The following SNX29 variants were observed in gnomAD, a reference collection of about 807,000 sequenced individuals.
The protein encoded by SNX29 is sorting nexin 29, also known as sorting nexin-29.
In SNX29, 78 loss-of-function variants were observed where a neutral mutation model predicts 102.1. The ratio of observed to expected loss-of-function variants is 0.76; its 90% CI spans 0.64 to 0.92. SNX29 has a LOEUF of 0.92. Among genes scored for constraint, SNX29 ranks in the 40% least tolerant of loss-of-function variants. SNX29 has a pLI of 0.00. For missense variants in SNX29, 1,280 were observed against 1,061.7 expected (o/e 1.21, Z -2.86); for synonymous variants, 580 against 414.5 (o/e 1.40, Z -4.85).
chr16:12,079,988 A>G (rs557119198), intron 11 of SNX29, among the ~76,000 whole-genome samples: 27 of 152,214 alleles, frequency 1.8e-4, no homozygotes, highest in African/African-American at 6.3e-4. Context: ...TGATCATTCT[A>G]TTTTGATGTA....
chr16:12,178,173 C>A (rs1043207177), intron 13 of SNX29, among the ~76,000 whole-genome samples: 7 of 152,126 alleles, frequency 4.6e-5, no homozygotes, highest in Non-Finnish European at 1.0e-4. Context: ...CTCAAGGGGA[C>A]AAGACGCACA....
intron 16 of SNX29, among the ~76,000 whole-genome samples, chr16:12,365,245 G>C (rs541982685): frequency 1.3e-5 from 2 of 151,960 alleles, no homozygotes; most frequent in African/African-American, 4.8e-5. Context: ...CTGTGGTGAA[G>C]CTCTTAAACA....
chr16:12,415,808 G>A (rs2084610983), intron 18 of SNX29, among the ~76,000 whole-genome samples: 1 of 152,182 alleles, frequency 6.6e-6, no homozygotes, highest in Non-Finnish European at 1.5e-5. Context: ...CCCCAACCCA[G>A]GCTGGGAATG....
intron 19 of SNX29, chr16:12,515,482 C>T: frequency 2.1e-6 from 1 of 484,926 alleles, no homozygotes; most frequent in Non-Finnish European, 4.1e-6. Context: ...AGAACTGAAA[C>T]CCATTCGCTT....
chr16:12,382,891 G>A (rs959826314), intron 16 of SNX29, among the ~76,000 whole-genome samples: 2 of 151,884 alleles, frequency 1.3e-5, no homozygotes, highest in African/African-American at 4.8e-5. Flanking sequence ...CACCTGCCAT[G>A]GGATTTAGGG....
chr16:12,462,014 T>TCACACACACACACACACACAC, intron 18 of SNX29, among the ~76,000 whole-genome samples: 1 of 59,436 alleles, frequency 1.7e-5, no homozygotes, highest in East Asian at 6.9e-4. Flanking sequence ...TATATATATG[T>TCACACACACACACACACACAC]ATACACACAC....
intron 18 of SNX29, among the ~76,000 whole-genome samples, chr16:12,457,299 T>A (rs558018586): frequency 6.6e-6 from 1 of 152,246 alleles, no homozygotes; most frequent in East Asian, 1.9e-4. Context: ...AAAGGTAAGG[T>A]AGGTTGGCCA....
intron 18 of SNX29, among the ~76,000 whole-genome samples, chr16:12,471,984 C>A (rs2087364818): frequency 6.6e-6 from 1 of 152,250 alleles, no homozygotes. Flanking sequence ...GCAAAAGCCA[C>A]ACACGCAAAT....
At chr16:12,555,584 C>G (rs55779146) in intron 20 of SNX29, among the ~76,000 whole-genome samples, 16,858 of 151,872 alleles carry the variant, frequency 0.11, 1,135 homozygotes, top group Non-Finnish European at 0.14. Context: ...CTCCATTTCT[C>G]CCTGTACCCA....
At chr16:12,489,286 A>G (rs920416176) in intron 19 of SNX29, among the ~76,000 whole-genome samples, 18 of 113,736 alleles carry the variant, frequency 1.6e-4, no homozygotes, top group South Asian at 2.9e-4. Context: ...AACACGCTGG[A>G]AAAAAAAAAA....
intron 14 of SNX29, among the ~76,000 whole-genome samples, chr16:12,211,403 G>A (rs932010206): frequency 1.2e-4 from 19 of 152,296 alleles, no homozygotes; most frequent in East Asian, 1.9e-4. Flanking sequence ...GGGCCCCGGG[G>A]TAGCTTTCCC....
chr16:12,161,095 C>T (rs953523408), intron 13 of SNX29, among the ~76,000 whole-genome samples: 2 of 152,216 alleles, frequency 1.3e-5, no homozygotes, highest in Admixed American at 6.5e-5. Context: ...TTCATTTTCA[C>T]CTCCCTCTAT....
intron 11 of SNX29, among the ~76,000 whole-genome samples, chr16:12,085,285 T>C (rs2052109064): frequency 6.6e-6 from 1 of 151,874 alleles, no homozygotes. Flanking sequence ...CCGAGGAGAG[T>C]GGCATTTGAT....
At chr16:12,523,532 C>T (rs1023440107) in intron 19 of SNX29, among the ~76,000 whole-genome samples, 3 of 152,222 alleles carry the variant, frequency 2.0e-5, no homozygotes, top group Admixed American at 1.3e-4. Flanking sequence ...ATACACGGAG[C>T]AGGATTGGCT....
intron 18 of SNX29, among the ~76,000 whole-genome samples, chr16:12,476,923 A>G (rs988592118): frequency 6.6e-6 from 1 of 152,174 alleles, no homozygotes; most frequent in Non-Finnish European, 1.5e-5. Flanking sequence ...GTAAATTACA[A>G]CAGCCCTTTA....
At chr16:12,519,465 C>T (rs1050213524) in intron 19 of SNX29, among the ~76,000 whole-genome samples, 19 of 152,182 alleles carry the variant, frequency 1.2e-4, no homozygotes, top group African/African-American at 4.3e-4. Context: ...AATGACTCAT[C>T]ATTAATTTTG....
chr16:12,126,351 C>A (rs2054213828), intron 11 of SNX29, among the ~76,000 whole-genome samples: 1 of 152,214 alleles, frequency 6.6e-6, no homozygotes, highest in South Asian at 2.1e-4. Context: ...CTGTTAAGAT[C>A]TCATTTTATA....
chr16:12,283,519 C>T (rs1384713887), intron 15 of SNX29, among the ~76,000 whole-genome samples: 3 of 152,014 alleles, frequency 2.0e-5, no homozygotes, highest in South Asian at 2.1e-4. Flanking sequence ...GGGGATTTCA[C>T]CATGTTGGTC....
intron 16 of SNX29, among the ~76,000 whole-genome samples, chr16:12,384,337 A>G (rs2083276672): frequency 1.3e-5 from 2 of 152,206 alleles, no homozygotes. Context: ...ATTCCCATCA[A>G]CAGTGTACAA....
Sources: gnomAD v4.1 joint callset for allele counts (sites outside exome capture counted in the v4.1 genomes callset) on GRCh38, gnomAD v4.1.1 for gene constraint, MANE v1.5 for transcripts, NCBI Gene and HGNC (gene_info 2026-07-23, HGNC 2026-07-21) for gene names.